GSG1L: variants seen among roughly 807,000 people sequenced by gnomAD.
GSG1L encodes the protein germ cell-specific gene 1-like protein.
In GSG1L, 24 loss-of-function variants were observed where a neutral mutation model predicts 42.1. The observed-to-expected ratio is 0.57, with a 90% CI of 0.41 to 0.80. The LOEUF (loss-of-function observed/expected upper bound fraction) is 0.80, where lower values mean the gene tolerates loss of function less well. GSG1L is among the 30% of genes least tolerant of loss of function. The pLI is 0.00. For missense variants in GSG1L, 445 were observed against 472.2 expected (o/e 0.94, Z 0.53); for synonymous variants, 215 against 203.5 (o/e 1.06, Z -0.48).
chr16:27,907,426 C>G (rs996523755), intron 2 of GSG1L, among the ~76,000 whole-genome samples: 1 of 152,208 alleles, frequency 6.6e-6, no homozygotes, highest in Non-Finnish European at 1.5e-5. Flanking sequence ...TAGGCTTTTG[C>G]CTTCCTTGAC....
intron 1 of GSG1L, among the ~76,000 whole-genome samples, chr16:28,019,976 T>C (rs1392785013): frequency 6.6e-6 from 1 of 152,226 alleles, no homozygotes; most frequent in Non-Finnish European, 1.5e-5. Flanking sequence ...TTGGGTCACC[T>C]GTCTCGCCTT....
chr16:27,946,685 A>G (rs568213907), intron 2 of GSG1L, among the ~76,000 whole-genome samples: 2 of 148,246 alleles, frequency 1.3e-5, no homozygotes, highest in African/African-American at 5.0e-5. Flanking sequence ...AGAAAGAAAG[A>G]AAGAAAGAAT....
intron 1 of GSG1L, among the ~76,000 whole-genome samples, chr16:27,977,618 G>C (rs1567542025): frequency 6.8e-6 from 1 of 148,088 alleles, no homozygotes; most frequent in Non-Finnish European, 1.5e-5. Flanking sequence ...GGCATTCTAT[G>C]GCCAGACCAG....
chr16:28,036,220 A>G (rs2086034456), intron 1 of GSG1L, among the ~76,000 whole-genome samples: 1 of 152,110 alleles, frequency 6.6e-6, no homozygotes. Context: ...TCACGCAGGA[A>G]GGCACCGCTT....
intron 1 of GSG1L, among the ~76,000 whole-genome samples, chr16:28,054,480 T>C (rs1050973062): frequency 3.3e-5 from 5 of 151,866 alleles, no homozygotes; most frequent in Non-Finnish European, 5.9e-5. Context: ...AATACAAAAA[T>C]TAGCCCAGTG....
intron 1 of GSG1L, among the ~76,000 whole-genome samples, chr16:28,042,365 G>A (rs939759577): frequency 3.3e-5 from 5 of 151,880 alleles, no homozygotes; most frequent in African/African-American, 1.2e-4. Flanking sequence ...GAACCCGGGG[G>A]GCGGAGGTTG....
intron 1 of GSG1L, among the ~76,000 whole-genome samples, chr16:27,979,777 A>AGAAG (rs2085303626): frequency 7.9e-6 from 1 of 126,912 alleles, no homozygotes; most frequent in Non-Finnish European, 1.7e-5. Context: ...AAGGAAAGAA[A>AGAAG]GAAAGAAAAA....
chr16:27,828,029 C>G (rs1235261367), intron 5 of GSG1L, among the ~76,000 whole-genome samples: 1 of 148,708 alleles, frequency 6.7e-6, no homozygotes, highest in Non-Finnish European at 1.5e-5. Flanking sequence ...GTCCACCTAC[C>G]TATCCACCCT....
At chr16:27,860,465 C>T (rs1004677295) in intron 3 of GSG1L, among the ~76,000 whole-genome samples, 3 of 152,190 alleles carry the variant, frequency 2.0e-5, no homozygotes, top group African/African-American at 7.2e-5. Context: ...AGCTGCTCCC[C>T]GTTGCAGACA....
At chr16:27,869,118 C>A (rs2141008309) in intron 3 of GSG1L, among the ~76,000 whole-genome samples, 1 of 152,064 alleles carries the variant, frequency 6.6e-6, no homozygotes, top group East Asian at 1.9e-4. Flanking sequence ...AGCTGGGGGT[C>A]TCCTGCATTG....
chr16:27,933,649 A>C (rs960399043), intron 2 of GSG1L, among the ~76,000 whole-genome samples: 6 of 10,896 alleles, frequency 5.5e-4, no homozygotes, highest in Non-Finnish European at 1.3e-3. Flanking sequence ...ACTTTGTCAC[A>C]AAAAAAAAAA....
intron 2 of GSG1L, among the ~76,000 whole-genome samples, chr16:27,894,577 A>G (rs1474231595): frequency 6.6e-6 from 1 of 152,176 alleles, no homozygotes; most frequent in African/African-American, 2.4e-5. Context: ...AGCATGTTGA[A>G]TCATGTAGAT....
In GSG1L at chr16:27,867,503, G is replaced by C. The variant is rs907697339; in HGVS notation, c.550+16983C>G. On this transcript the variant is annotated intron_variant, in intron 3 of 6. Coordinates refer to ENST00000447459, the MANE Select transcript of GSG1L (RefSeq NM_001109763.2). ...GAGCGCTGCCCCATGAGCTGTGGCA[G>C]GTGGTCCTCAGAGCCTGGCTACTTC... is the stretch of plus-strand genomic sequence containing the variant. Among the ~76,000 whole-genome samples the C allele has an allele frequency of 2.6e-5, 4 of 152,330 alleles. No individual in the cohort carries two copies. The East Asian group carries it at 7.7e-4, about 29-fold the overall frequency.
Position 27,789,852 on chromosome 16 carries a change from G to C in GSG1L, c.*1518C>G, listed in dbSNP as rs1371433220. The C allele has an allele frequency of 1.3e-5, 2 of 151,786 alleles. No individual in the cohort carries two copies. Among genetic ancestry groups the C allele is most frequent in the African/African-American group, 4.8e-5 (2 of 41,296 alleles). 9.4% of individuals were successfully genotyped at this position (151,786 alleles called of 1,614,324 possible). A position where few individuals can be genotyped will look rare whatever the true frequency, so the allele number is the denominator to read the frequency against. On this transcript the variant is annotated 3_prime_UTR_variant, in exon 7 of 7. Transcript: ENST00000447459. ...TGGATGGATGGATGAAGGATGGATG[G>C]ATGGATGATGAAGGATGGATGGTTG...
intron 3 of GSG1L, among the ~76,000 whole-genome samples, chr16:27,877,034 T>TA (rs928162762): frequency 3.3e-4 from 50 of 152,168 alleles, no homozygotes; most frequent in African/African-American, 1.0e-3. Flanking sequence ...CTTTTTTCCT[T>TA]AGTGGATCAG....
chr16:27,830,884 C>A (rs1007720599), intron 4 of GSG1L, among the ~76,000 whole-genome samples: 1 of 152,244 alleles, frequency 6.6e-6, no homozygotes, highest in African/African-American at 2.4e-5. Context: ...GTTGGTTTTG[C>A]CTGCTCAGTA....
chr16:27,940,899 G>A (rs1267238558), intron 2 of GSG1L, among the ~76,000 whole-genome samples: 1 of 151,480 alleles, frequency 6.6e-6, no homozygotes, highest in Non-Finnish European at 1.5e-5. Flanking sequence ...AAATAAATAG[G>A]CCAAAGAAAG....
intron 5 of GSG1L, among the ~76,000 whole-genome samples, chr16:27,808,094 C>T (rs2082989515): frequency 6.6e-6 from 1 of 152,138 alleles, no homozygotes; most frequent in Admixed American, 6.6e-5. Flanking sequence ...CTCCCCTCCG[C>T]CCACCCCAGA....
intron 4 of GSG1L, among the ~76,000 whole-genome samples, chr16:27,834,646 G>A (rs1044975189): frequency 5.3e-5 from 8 of 152,118 alleles, no homozygotes; most frequent in Non-Finnish European, 1.2e-4. Context: ...GGTAAATTGT[G>A]GCAGTTTGTG....
Sources: allele counts gnomAD v4.1 joint callset (sites outside exome capture counted in the v4.1 genomes callset), GRCh38; gene constraint gnomAD v4.1.1; transcripts MANE v1.5; gene names NCBI Gene and HGNC (gene_info 2026-07-23, HGNC 2026-07-21).